Variants in TAF5L observed in about 807,000 individuals in gnomAD.
TAF5L encodes TAF5-like RNA polymerase II p300/CBP-associated factor-associated factor 65 kDa subunit 5L.
Under a neutral mutation model 51.3 loss-of-function variants are expected in TAF5L, and 7 were observed. The ratio of observed to expected loss-of-function variants is 0.14; its 90% CI spans 0.08 to 0.26. TAF5L has a LOEUF of 0.26. Ranked by LOEUF, TAF5L falls within the 10% of genes least tolerant of loss-of-function variation. The probability of loss-of-function intolerance (pLI) is 1.00; values close to 1 mark genes in which losing one functional copy is unlikely to be tolerated. For missense variants in TAF5L, 575 were observed against 758.9 expected (o/e 0.76, Z 2.85); for synonymous variants, 291 against 308.1 (o/e 0.94, Z 0.58).
intron 2 of TAF5L, 34 bp downstream of exon 2, chr1:229,614,307 A>G (rs1664894736): frequency 6.2e-7 from 1 of 1,614,094 alleles, no homozygotes; most frequent in East Asian, 2.2e-5. Context: ...CTCCTGCTCC[A>G]GGCTCACCCC....
At chr1:229,603,320 TG>T (rs1054806649) in intron 3 of TAF5L, among the ~76,000 whole-genome samples, 12 of 152,230 alleles carry the variant, frequency 7.9e-5, no homozygotes, top group African/African-American at 2.9e-4. Flanking sequence ...CTTGGAAGAT[TG>T]AGTTCTTCAC....
intron 2 of TAF5L, among the ~76,000 whole-genome samples, chr1:229,611,901 T>C (rs1571846652): frequency 6.6e-6 from 1 of 152,334 alleles, no homozygotes; most frequent in East Asian, 1.9e-4. Context: ...CCCAACTATA[T>C]GTCAGGAATC....
rs183966940 is a variant in TAF5L, at chr1:229,594,720, G to A, written c.1347C>T (p.Thr449=). The A allele has an allele frequency of 3.3e-5, 53 of 1,614,182 alleles. No individual in the cohort carries two copies. The highest frequency in any genetic ancestry group is 1.2e-4 in the Admixed American group (7 of 60,026). Residue 449 remains threonine (T), a synonymous_variant, in exon 5 of 5, where the codon ACC becomes ACT. Transcript: ENST00000258281. This position sits in a 1 kb window ranked among gnomAD's most constrained non-coding sequence, Gnocchi z 7.9. ...CCTGCTGAGCGCTCCACAGCCGGAC[G>A]GTCTTGTCGGTTGAGCCCGTGGCCA...
At chr1:229,609,761 A>G (rs576947447) in intron 3 of TAF5L, among the ~76,000 whole-genome samples, 1 of 152,206 alleles carries the variant, frequency 6.6e-6, no homozygotes, top group Non-Finnish European at 1.5e-5. Context: ...TACTTATTCA[A>G]TACAAGTCAC....
At chr1:229,600,562 T>C (rs1435600609) in intron 4 of TAF5L, 3 of 985,402 alleles carry the variant, frequency 3.0e-6, no homozygotes, top group Non-Finnish European at 3.6e-6. Flanking sequence ...CATGTCTCCT[T>C]TGCCACTGCC....
At position 229,614,494 on chromosome 1, in the gene TAF5L, G is replaced by T. The variant is rs1258839812; in HGVS notation, c.-3-9C>A. On this transcript the variant is annotated splice_polypyrimidine_tract_variant and intron_variant, in intron 1 of 4. Coordinates refer to ENST00000258281, the Ensembl canonical transcript of TAF5L. ...CGCACTCGTTTCATGACCTTCAAGG[G>T]AGGCAACGACAGGATACAGAGACAT... 1.8e-5 allele frequency: 29 copies of T among 1,613,766 alleles called. No individual in the cohort carries two copies. Among genetic ancestry groups the T allele is most frequent in the Non-Finnish European group, 2.5e-5 (29 of 1,179,846 alleles).
At chr1:229,617,301 G>A (rs941304750) in intron 1 of TAF5L, among the ~76,000 whole-genome samples, 41 of 152,154 alleles carry the variant, frequency 2.7e-4, no homozygotes, top group African/African-American at 8.9e-4. Flanking sequence ...AAATGCACAC[G>A]GAGGCTGTGA....
intron 2 of TAF5L, 64 bp from the exon 3 acceptor site, chr1:229,610,274 T>C: frequency 1.4e-6 from 2 of 1,453,276 alleles, no homozygotes; most frequent in African/African-American, 1.4e-5. Context: ...ACCCAGTACG[T>C]GGCAGGATGG....
In TAF5L at chr1:229,602,091, T is replaced by C. The variant is rs755877131; in HGVS notation, c.972+104A>G. On this transcript the variant is annotated intron_variant, in intron 4 of 4. Transcript: ENST00000258281. This position sits in a 1 kb window ranked among gnomAD's most constrained non-coding sequence, Gnocchi z 4.6. ...CATTAGTCTGGCTTTAGCTATATGA[T>C]GAGGGAAACTAGGAAGTCCATTCTA... is the stretch of plus-strand genomic sequence containing the variant. The C allele has an allele frequency of 6.6e-7, 1 of 1,522,952 alleles. No individual in the cohort carries two copies. The highest frequency in any genetic ancestry group is 8.8e-7 in the Non-Finnish European group (1 of 1,136,772). 94.3% of individuals were successfully genotyped at this position (1,522,952 alleles called of 1,614,324 possible). A position where few individuals can be genotyped will look rare whatever the true frequency, so the allele number is the denominator to read the frequency against.
intron 3 of TAF5L, among the ~76,000 whole-genome samples, chr1:229,605,818 C>T (rs2102750857): frequency 6.6e-6 from 1 of 152,324 alleles, no homozygotes; most frequent in Admixed American, 6.5e-5. Context: ...TTTCCTGGGT[C>T]TCCAGCCTGC....
exon 5 of TAF5L, chr1:229,593,983 A>G (rs1381145960): frequency 3.7e-6 from 1 of 273,202 alleles, no homozygotes; most frequent in Non-Finnish European, 7.1e-6. Flanking sequence ...AGCCCCAGTC[A>G]GATGGTGAAA....
intron 1 of TAF5L, among the ~76,000 whole-genome samples, chr1:229,616,495 C>G (rs1469635756): frequency 1.3e-5 from 2 of 152,006 alleles, no homozygotes; most frequent in Non-Finnish European, 2.9e-5. Flanking sequence ...CATGAGCTAC[C>G]ATGCCTGGTC....
chr1:229,614,853 T>C (rs1263430279), intron 1 of TAF5L, among the ~76,000 whole-genome samples: 2 of 152,140 alleles, frequency 1.3e-5, no homozygotes, highest in African/African-American at 2.4e-5. Context: ...GGGCCTTTGA[T>C]TTCTCCTGCC....
chr1:229,620,147 A>G (rs2102766097), intron 1 of TAF5L, among the ~76,000 whole-genome samples: 1 of 149,002 alleles, frequency 6.7e-6, no homozygotes, highest in Non-Finnish European at 1.5e-5. Flanking sequence ...CTCTCAACTT[A>G]AAAAAAAAAA....
At chr1:229,597,503 A>C (rs1041689580) in intron 4 of TAF5L, among the ~76,000 whole-genome samples, 1 of 152,208 alleles carries the variant, frequency 6.6e-6, no homozygotes, top group South Asian at 2.1e-4. Flanking sequence ...CACAGCTTAA[A>C]ATAACCCAGC....
At chr1:229,595,607 T>C (rs1365821629) in intron 4 of TAF5L, among the ~76,000 whole-genome samples, 2 of 152,202 alleles carry the variant, frequency 1.3e-5, no homozygotes, top group African/African-American at 4.8e-5. Flanking sequence ...TGTTCCTTAC[T>C]CCCATGATGG....
chr1:229,605,016 C>A (rs1017386202), intron 3 of TAF5L, among the ~76,000 whole-genome samples: 2 of 152,112 alleles, frequency 1.3e-5, no homozygotes, highest in African/African-American at 2.4e-5. Context: ...CGGCTCATTG[C>A]ATCCTCTGCC....
At position 229,602,628 on chromosome 1, in the gene TAF5L, T is replaced by A. The variant is rs760830633; in HGVS notation, c.539A>T (p.Gln180Leu). 6.2e-7 allele frequency: 1 copy of A among 1,614,088 alleles called. No homozygotes were observed. The highest frequency in any genetic ancestry group is 8.5e-7 in the Non-Finnish European group (1 of 1,180,040). Residue 180 changes from glutamine (Q) to leucine (L), a missense_variant, in exon 4 of 5, where the codon CAA becomes CTA. Gln to Leu is a moderately radical substitution (Grantham distance 113, BLOSUM62 -2). Around this residue, in one of 3 missense-constraint regions of TAF5L, gnomAD observed 380 missense variants for 443.7 expected, o/e 0.86. Transcript: ENST00000258281. This position sits in a 1 kb window ranked among gnomAD's most constrained non-coding sequence, Gnocchi z 4.6. ...GCACAGGGCAGTATTGTTGTCACTTTGGAGGTAGCGGATAAGGTAGTTGTA... is the reference window on the plus strand; with the variant it reads ...GCACAGGGCAGTATTGTTGTCACTTAGGAGGTAGCGGATAAGGTAGTTGTA...
intron 4 of TAF5L, chr1:229,601,535 G>A: frequency 1.0e-6 from 1 of 985,508 alleles, no homozygotes; most frequent in Non-Finnish European, 1.2e-6. Flanking sequence ...TTCAATGACT[G>A]TCCTAAACGG....
Sources: allele counts gnomAD v4.1 joint callset (sites outside exome capture counted in the v4.1 genomes callset), GRCh38; gene constraint gnomAD v4.1.1; regional missense constraint gnomAD v4.1.1; non-coding constraint Gnocchi (gnomAD v3.1); transcripts MANE v1.5; gene names NCBI Gene and HGNC (gene_info 2026-07-23, HGNC 2026-07-21).